The following GPM6A variants were observed in gnomAD, a reference collection of about 807,000 sequenced individuals.
GPM6A encodes the protein neuronal membrane glycoprotein M6-a.
GPM6A carries 7 observed loss-of-function variants against 32.1 expected under a neutral mutation model. The ratio of observed to expected loss-of-function variants is 0.22; its 90% CI spans 0.12 to 0.41. The LOEUF (loss-of-function observed/expected upper bound fraction) is 0.41. Ranked by LOEUF, GPM6A falls within the 10% of genes least tolerant of loss-of-function variation. GPM6A has a pLI of 1.00. For missense variants in GPM6A, 235 were observed against 347.2 expected, an observed-to-expected ratio of 0.68 and a Z score of 2.57; for synonymous variants, 130 against 123.4, an observed-to-expected ratio of 1.05 and a Z score of -0.35.
intron 1 of GPM6A, among the ~76,000 whole-genome samples, chr4:175,817,554 A>G (rs548144829): frequency 6.6e-6 from 1 of 152,348 alleles, no homozygotes; most frequent in East Asian, 1.9e-4. Flanking sequence ...TGATAGTTGG[A>G]AAAGTTTTCC....
chr4:175,897,175 G>A (rs1448298531), intron 1 of GPM6A, among the ~76,000 whole-genome samples: 1 of 152,140 alleles, frequency 6.6e-6, no homozygotes, highest in East Asian at 1.9e-4. Context: ...TGTCCAGCCT[G>A]GGCTGGAGGG....
chr4:175,641,138 T>G (rs1049593014), intron 4 of GPM6A: 9 of 324,340 alleles, frequency 2.8e-5, no homozygotes, highest in African/African-American at 1.9e-4. Context: ...TGTGATAGTA[T>G]AGGCATCACA....
At chr4:175,820,642 G>A (rs1735250416) in intron 1 of GPM6A, among the ~76,000 whole-genome samples, 1 of 151,604 alleles carries the variant, frequency 6.6e-6, no homozygotes, top group African/African-American at 2.4e-5. Flanking sequence ...TGGGATTACA[G>A]GCATGCGCCA....
intron 1 of GPM6A, among the ~76,000 whole-genome samples, chr4:175,857,471 A>G (rs1736450381): frequency 6.6e-6 from 1 of 152,214 alleles, no homozygotes; most frequent in Non-Finnish European, 1.5e-5. Flanking sequence ...AGCATAGAAA[A>G]GATATAAAAT....
chr4:175,772,745 G>A (rs1438676045), intron 1 of GPM6A, among the ~76,000 whole-genome samples: 1 of 151,864 alleles, frequency 6.6e-6, no homozygotes, highest in African/African-American at 2.4e-5. Context: ...AATCATCCAT[G>A]GGCTTCCATA....
intron 1 of GPM6A, chr4:175,790,375 C>T (rs1321142381): frequency 6.6e-6 from 1 of 152,150 alleles, no homozygotes; most frequent in Non-Finnish European, 1.5e-5. Flanking sequence ...GGGGCTAACA[C>T]ATTAATGAGA....
intron 1 of GPM6A, among the ~76,000 whole-genome samples, chr4:175,764,608 T>A (rs964827835): frequency 1.3e-5 from 2 of 152,048 alleles, no homozygotes; most frequent in Admixed American, 1.3e-4. Flanking sequence ...ATAGAACTCA[T>A]CCTTCATATC....
At chr4:175,922,754 A>T (rs746435964) in intron 1 of GPM6A, among the ~76,000 whole-genome samples, 1 of 152,208 alleles carries the variant, frequency 6.6e-6, no homozygotes, top group Non-Finnish European at 1.5e-5. Flanking sequence ...AGTAACACTT[A>T]CATTATAAAA....
intron 1 of GPM6A, among the ~76,000 whole-genome samples, chr4:175,777,295 A>G (rs1733434980): frequency 6.6e-6 from 1 of 152,132 alleles, no homozygotes; most frequent in Non-Finnish European, 1.5e-5. Context: ...GTCTTCATGA[A>G]AAATAGCACT....
chr4:175,920,543 ACTACTGTT>A (rs1738632074), intron 1 of GPM6A, among the ~76,000 whole-genome samples: 1 of 152,104 alleles, frequency 6.6e-6, no homozygotes, highest in African/African-American at 2.4e-5. Context: ...CAATACTTAA[ACTACTGTT>A]CATAAGAATT....
At chr4:175,681,527 G>C (rs1030375868) in intron 2 of GPM6A, among the ~76,000 whole-genome samples, 1 of 152,068 alleles carries the variant, frequency 6.6e-6, no homozygotes, top group African/African-American at 2.4e-5. Context: ...ATTTGTCCTT[G>C]CCTAAACTTC....
At chr4:175,668,653 A>G (rs1742886112) in intron 3 of GPM6A, among the ~76,000 whole-genome samples, 1 of 151,408 alleles carries the variant, frequency 6.6e-6, no homozygotes, top group African/African-American at 2.4e-5. Flanking sequence ...AAAGTCTGTT[A>G]GTCACAGAAA....
intron 1 of GPM6A, among the ~76,000 whole-genome samples, chr4:175,880,451 G>A (rs1272140169): frequency 1.3e-5 from 2 of 152,130 alleles, no homozygotes; most frequent in Admixed American, 1.3e-4. Flanking sequence ...GATGGGGATG[G>A]CATTGAATCT....
intron 1 of GPM6A, among the ~76,000 whole-genome samples, chr4:175,901,783 C>T (rs1012693922): frequency 3.3e-5 from 5 of 151,548 alleles, no homozygotes; most frequent in Admixed American, 1.3e-4. Flanking sequence ...CCAGCCACCA[C>T]GCCCAGCTAA....
intron 1 of GPM6A, among the ~76,000 whole-genome samples, chr4:175,746,876 T>C (rs974028586): frequency 2.6e-5 from 4 of 152,154 alleles, no homozygotes; most frequent in African/African-American, 9.7e-5. Flanking sequence ...TTGCTTTGTG[T>C]GATGATTAGC....
At chr4:175,957,883 T>C (rs1740038371) in intron 1 of GPM6A, among the ~76,000 whole-genome samples, 1 of 152,216 alleles carries the variant, frequency 6.6e-6, no homozygotes, top group South Asian at 2.1e-4. Flanking sequence ...TGCTTTGTTC[T>C]GTTTTGTTGT....
intron 2 of GPM6A, among the ~76,000 whole-genome samples, chr4:175,680,595 A>G (rs114733980): frequency 0.012 from 1,810 of 152,290 alleles, 44 homozygotes; most frequent in African/African-American, 0.041. Context: ...CATCTCATCC[A>G]TATTGACTTA....
chr4:175,951,457 T>C (rs577605161), intron 1 of GPM6A, among the ~76,000 whole-genome samples: 1 of 152,164 alleles, frequency 6.6e-6, no homozygotes. Context: ...CACTGGCCTA[T>C]AAGTCCGAAA....
chr4:175,885,656 AGTAATCCCACTCCTTG>A (rs1461684845), intron 1 of GPM6A, among the ~76,000 whole-genome samples: 3 of 152,190 alleles, frequency 2.0e-5, no homozygotes, highest in African/African-American at 2.4e-5. Flanking sequence ...TACTTAATCT[AGTAATCCCACTCCTTG>A]GTATATATCC....
Sources: allele counts gnomAD v4.1 joint callset (sites outside exome capture counted in the v4.1 genomes callset), GRCh38; gene constraint gnomAD v4.1.1; transcripts MANE v1.5; gene names NCBI Gene and HGNC (gene_info 2026-07-23, HGNC 2026-07-21).